FRMPD4: variants seen among roughly 807,000 people sequenced by gnomAD.
FRMPD4 encodes FERM and PDZ domain containing 4.
A neutral mutation model predicts 94.1 loss-of-function variants in FRMPD4; 22 were observed. The observed-to-expected ratio is 0.23, with a 90% confidence interval of 0.17 to 0.33. The LOEUF (loss-of-function observed/expected upper bound fraction) is 0.33. Among genes scored for constraint, FRMPD4 ranks in the 10% least tolerant of loss-of-function variants. FRMPD4 has a pLI of 1.00. For missense variants in FRMPD4, 1,111 were observed against 1,339.9 expected, an observed-to-expected ratio of 0.83 and a Z score of 2.67; for synonymous variants, 631 against 548.6, an observed-to-expected ratio of 1.15 and a Z score of -2.10.
intron 3 of FRMPD4, among the ~76,000 whole-genome samples, chrX:11,928,287 G>C (rs866759745): frequency 8.0e-5 from 9 of 112,219 alleles, no homozygotes; most frequent in African/African-American, 2.9e-4. Context: ...TTGACTCACA[G>C]TTCAGCGTGG....
At chrX:12,186,598 G>A (rs2056428432) in intron 1 of FRMPD4, among the ~76,000 whole-genome samples, 1 of 111,497 alleles carries the variant, frequency 9.0e-6, no homozygotes, top group Admixed American at 9.6e-5. Context: ...GTGACTTCCT[G>A]ACAAGAAAAT....
chrX:12,055,723 T>A (rs1452806829), intron 3 of FRMPD4, among the ~76,000 whole-genome samples: 1 of 112,091 alleles, frequency 8.9e-6, no homozygotes, highest in Non-Finnish European at 1.9e-5. Context: ...GCCACATCTA[T>A]CTTTTAGTTC....
chrX:12,653,214 C>T (rs760315281), intron 4 of FRMPD4, among the ~76,000 whole-genome samples: 1 of 111,688 alleles, frequency 9.0e-6, no homozygotes, highest in Non-Finnish European at 1.9e-5. Context: ...AAAAAAAATG[C>T]GAGCAATATT....
chrX:12,392,288 G>A (rs2056486966), intron 1 of FRMPD4, among the ~76,000 whole-genome samples: 1 of 105,525 alleles, frequency 9.5e-6, no homozygotes, highest in South Asian at 4.7e-4. Flanking sequence ...CAATCTGCCT[G>A]CCTCGACCTC....
intron 1 of FRMPD4, among the ~76,000 whole-genome samples, chrX:12,324,220 T>G (rs1330222172): frequency 1.8e-5 from 2 of 112,214 alleles, no homozygotes; most frequent in Non-Finnish European, 3.8e-5. Context: ...TGATGTGTAG[T>G]TCAAGTTATG....
intron 4 of FRMPD4, among the ~76,000 whole-genome samples, chrX:12,646,619 T>C (rs1482349302): frequency 8.9e-6 from 1 of 112,006 alleles, no homozygotes; most frequent in Non-Finnish European, 1.9e-5. Context: ...GTTTGAACTA[T>C]GTACCTATCG....
At chrX:12,630,848 A>C (rs1270198146) in intron 4 of FRMPD4, among the ~76,000 whole-genome samples, 1 of 111,852 alleles carries the variant, frequency 8.9e-6, no homozygotes, top group African/African-American at 3.3e-5. Context: ...CTTGTAAAAA[A>C]CCCAAAACTA....
At chrX:12,385,876 G>A (rs767237381) in intron 1 of FRMPD4, among the ~76,000 whole-genome samples, 1 of 112,315 alleles carries the variant, frequency 8.9e-6, no homozygotes, top group East Asian at 2.8e-4. Flanking sequence ...GTTTGGAGGA[G>A]TTTAAGATAG....
intron 2 of FRMPD4, among the ~76,000 whole-genome samples, chrX:12,533,058 G>C (rs1686554245): frequency 8.9e-6 from 1 of 111,897 alleles, no homozygotes; most frequent in African/African-American, 3.3e-5. Flanking sequence ...TGATATGGTT[G>C]GGCTGTGTCC....
chrX:12,644,112 C>A (rs571857854), intron 4 of FRMPD4, among the ~76,000 whole-genome samples: 2 of 110,195 alleles, frequency 1.8e-5, no homozygotes, highest in South Asian at 8.0e-4. Flanking sequence ...CTCCGACATC[C>A]AGGCTGGAGT....
chrX:12,011,906 ATTT>A (rs370370680), intron 3 of FRMPD4, among the ~76,000 whole-genome samples: 2 of 99,090 alleles, frequency 2.0e-5, no homozygotes. Flanking sequence ...TACGATCTGA[ATTT>A]TTTTTTTTTT....
intron 1 of FRMPD4, among the ~76,000 whole-genome samples, chrX:12,389,057 G>A (rs902440620): frequency 9.2e-6 from 1 of 108,554 alleles, no homozygotes; most frequent in African/African-American, 3.4e-5. Flanking sequence ...GCTGAGGGGT[G>A]GGAGGAACAG....
At chrX:12,523,705 A>C (rs2058188630) in intron 2 of FRMPD4, among the ~76,000 whole-genome samples, 1 of 111,832 alleles carries the variant, frequency 8.9e-6, no homozygotes, top group South Asian at 3.7e-4. Flanking sequence ...AAATTAAAAC[A>C]AAGTTAGTTA....
chrX:12,517,546 C>T (rs1432627969), intron 2 of FRMPD4, among the ~76,000 whole-genome samples: 1 of 112,732 alleles, frequency 8.9e-6, no homozygotes, highest in East Asian at 2.8e-4. Context: ...CCAGTAGAAG[C>T]TGCAGAACAG....
chrX:12,210,149 T>A (rs2056738472), intron 1 of FRMPD4, among the ~76,000 whole-genome samples: 1 of 111,648 alleles, frequency 9.0e-6, no homozygotes, highest in Admixed American at 9.5e-5. Context: ...ACATGTAAAG[T>A]AAGTAATAAA....
In FRMPD4 at chrX:12,108,800, A is replaced by G. The variant is rs145106844; in HGVS notation, c.95+230782A>G. ...TAGTCTCTGATAAAACAGACTTTAA[A>G]CCAACAAAATCAAAAGAGACAAAGA... On this transcript the variant is annotated intron_variant, in intron 3 of 18. Transcript: ENST00000640291. 3.1e-3 allele frequency among the ~76,000 whole-genome samples: 346 copies of G among 111,961 alleles called. 1 individual carries two copies. Among genetic ancestry groups the G allele is most frequent in the African/African-American group, 0.011 (334 of 30,793 alleles).
intron 1 of FRMPD4, among the ~76,000 whole-genome samples, chrX:12,232,407 G>A (rs760953515): frequency 2.2e-4 from 24 of 111,172 alleles, no homozygotes; most frequent in South Asian, 3.9e-4. Flanking sequence ...GAGTGAAGGG[G>A]GAAGCCCTTG....
intron 9 of FRMPD4, among the ~76,000 whole-genome samples, chrX:12,699,241 C>T (rs1414579691): frequency 2.7e-5 from 3 of 111,838 alleles, no homozygotes; most frequent in Non-Finnish European, 5.6e-5. Flanking sequence ...AAACCCAAGA[C>T]TAGCAAAACA....
chrX:12,638,867 C>T (rs750792986), intron 4 of FRMPD4, among the ~76,000 whole-genome samples: 13 of 111,003 alleles, frequency 1.2e-4, no homozygotes, highest in African/African-American at 4.3e-4. Context: ...TAGTTAATAC[C>T]GGTAAAAATG....
Sources: allele counts gnomAD v4.1 joint callset (sites outside exome capture counted in the v4.1 genomes callset), GRCh38; gene constraint gnomAD v4.1.1; transcripts MANE v1.5; gene names NCBI Gene and HGNC (gene_info 2026-07-23, HGNC 2026-07-21).